Variants in CPB1 observed in about 807,000 individuals in gnomAD.
The protein encoded by CPB1 is carboxypeptidase B1.
CPB1 carries 53 observed loss-of-function variants against 51.4 expected under a neutral mutation model. The observed-to-expected ratio is 1.03, with a 90% CI of 0.83 to 1.30. CPB1 has a LOEUF of 1.30. CPB1 is among the 50% of genes most tolerant of loss of function. The pLI is 0.00. For synonymous variants in CPB1, 189 were observed against 186.9 expected, an observed-to-expected ratio of 1.01 and a Z score of -0.09; for missense variants, 494 against 516.2, an observed-to-expected ratio of 0.96 and a Z score of 0.42.
At chr3:148,857,586 A>T in intron 10 of CPB1, 45 bp downstream of exon 10, 1 of 1,454,176 alleles carries the variant, frequency 6.9e-7, no homozygotes, top group African/African-American at 1.4e-5. Flanking sequence ...TGTGCCTAAA[A>T]AGCCAACGAA....
At chr3:148,852,981 T>A (rs1713474749) in intron 9 of CPB1, among the ~76,000 whole-genome samples, 1 of 152,196 alleles carries the variant, frequency 6.6e-6, no homozygotes, top group Non-Finnish European at 1.5e-5. Flanking sequence ...TTATAGACCG[T>A]AAGGGCTTCT....
At chr3:148,834,476 A>G (rs1712833364) in intron 2 of CPB1, 22 bp from the exon 3 acceptor site, 4 of 1,609,152 alleles carry the variant, frequency 2.5e-6, no homozygotes, top group African/African-American at 2.7e-5. Context: ...TAGGTATCCA[A>G]TATATCTTGT....
chr3:148,845,550 C>A lies in CPB1; in HGVS notation c.905C>A (p.Thr302Lys). ...NKLSSIKAYL[T>K]IHSYSQMMIY... ...CTCTCTTCCATCAAGGCATATCTGA[C>A]AATCCACTCGTACTCCCAAATGATG... Residue 302 changes from threonine to lysine, a missense_variant, in exon 9 of 11, where the codon ACA (threonine) becomes AAA (lysine). Transcript: ENST00000282957. 1 of 1,613,928 alleles carries A rather than the reference C, an allele frequency of 6.2e-7. No homozygotes were observed. Among genetic ancestry groups the A allele is most frequent in the South Asian group, 1.1e-5 (1 of 91,082 alleles).
intron 3 of CPB1, among the ~76,000 whole-genome samples, chr3:148,835,476 G>A (rs1283078913): frequency 1.3e-5 from 2 of 152,292 alleles, no homozygotes; most frequent in Admixed American, 6.5e-5. Flanking sequence ...GCTGAGAACT[G>A]AAAGATGAGT....
chr3:148,847,863 T>C (rs917283451), intron 9 of CPB1, among the ~76,000 whole-genome samples: 7 of 152,148 alleles, frequency 4.6e-5, no homozygotes, highest in Non-Finnish European at 1.0e-4. Context: ...AATGCAAAAA[T>C]TTAATTTGAT....
At position 148,845,513 on chromosome 3, in the gene CPB1, A is replaced by T; in HGVS notation, c.868A>T (p.Ile290Phe). The change falls in exon 9 of 11, where the codon ATC becomes TTC. Residue 290 changes from isoleucine to phenylalanine, a missense_variant. Physicochemically the swap from Ile to Phe is conservative, Grantham distance 21. Coordinates refer to ENST00000282957, the MANE Select transcript of CPB1 (RefSeq NM_001871.3). ...GGAGACCAAGGCCCTGGCTGATTTC[A>T]TCCGCAACAAACTCTCTTCCATCAA... ...EKETKALADF[I>F]RNKLSSIKAY... is the part of the protein sequence containing the mutation. The T allele has an allele frequency of 3.7e-6, 6 of 1,613,978 alleles. No homozygotes were observed. Among genetic ancestry groups the T allele is most frequent in the Non-Finnish European group, 5.1e-6 (6 of 1,179,878 alleles).
intron 9 of CPB1, 110 bp from the exon 10 acceptor site, chr3:148,857,347 G>C (rs1046125075): frequency 9.2e-6 from 7 of 764,584 alleles, no homozygotes; most frequent in Non-Finnish European, 1.5e-5. Flanking sequence ...CATATAATAC[G>C]ATCCAAATTG....
At chr3:148,858,566 C>G (rs1713656890) in intron 10 of CPB1, among the ~76,000 whole-genome samples, 1 of 151,442 alleles carries the variant, frequency 6.6e-6, no homozygotes, top group Non-Finnish European at 1.5e-5. Flanking sequence ...GAGCAAAACT[C>G]CATCTCAAAA....
In CPB1 at chr3:148,834,519, T is replaced by G. The variant is rs376971111; in HGVS notation, c.169T>G (p.Ser57Ala). ...TCAGATTGACTTCTGGAAGCCAGAT[T>G]CTGTCACACAAATCAAACCTCACAG... is the stretch of plus-strand genomic sequence containing the variant. The part of the protein sequence containing the change: ...TTQIDFWKPD[S>A]VTQIKPHSTV... The change falls in exon 3 of 11, where the codon TCT becomes GCT. Residue 57 changes from serine (S) to alanine (A), a missense_variant. By Grantham distance (99) the Ser-to-Ala change is moderately conservative. Transcript: ENST00000282957. 1 of 1,613,732 alleles carries G rather than the reference T, an allele frequency of 6.2e-7. No individual in the cohort carries two copies.
At chr3:148,844,129 CCTA>C (rs2108016120) in intron 6 of CPB1, among the ~76,000 whole-genome samples, 1 of 152,060 alleles carries the variant, frequency 6.6e-6, no homozygotes, top group East Asian at 1.9e-4. Flanking sequence ...ACACTTATAC[CCTA>C]CTAACTTTGT....
At chr3:148,840,824 G>A in intron 4 of CPB1, 39 bp downstream of exon 4, 1 of 1,613,530 alleles carries the variant, frequency 6.2e-7, no homozygotes, top group Non-Finnish European at 8.5e-7. Context: ...ATTACTTTGG[G>A]AATTGAACCA....
chr3:148,842,041 AT>A, intron 6 of CPB1, 117 bp downstream of exon 6: 1 of 780,200 alleles, frequency 1.3e-6, no homozygotes, highest in South Asian at 2.0e-5. Context: ...CAAGTGCCCA[AT>A]TTTGGAAATT....
At chr3:148,857,651 C>G in intron 10 of CPB1, 110 bp downstream of exon 10, 1 of 541,560 alleles carries the variant, frequency 1.8e-6, no homozygotes, top group Non-Finnish European at 2.9e-6. Flanking sequence ...TTTTGCCTCA[C>G]AGCAAATTTT....
intron 3 of CPB1, among the ~76,000 whole-genome samples, chr3:148,835,687 G>C (rs944325988): frequency 1.3e-5 from 2 of 152,156 alleles, no homozygotes; most frequent in Non-Finnish European, 2.9e-5. Context: ...CAAAGTCTTG[G>C]GCTCCGGTCC....
chr3:148,830,703 C>T (rs1482877445), intron 2 of CPB1, among the ~76,000 whole-genome samples: 1 of 152,040 alleles, frequency 6.6e-6, no homozygotes, highest in Non-Finnish European at 1.5e-5. Context: ...ATGAAAAAAT[C>T]TTTACTTATC....
At chr3:148,832,001 GGTCT>G (rs1341048690) in intron 2 of CPB1, among the ~76,000 whole-genome samples, 2 of 151,898 alleles carry the variant, frequency 1.3e-5, no homozygotes, top group East Asian at 3.9e-4. Flanking sequence ...CAGTATAGTG[GGTCT>G]GTGTCACACA....
rs549475813 is a variant in CPB1, at chr3:148,847,412, C to G, written c.981+1786C>G. ...AAAAAAAAAAGACAAGTAAGTCCTG[C>G]CTTTAGAATATTATGAATAATTTTT... On this transcript the variant is annotated intron_variant, in intron 9 of 10. Coordinates refer to ENST00000282957, the MANE Select transcript of CPB1 (RefSeq NM_001871.3). Among the ~76,000 whole-genome samples the G allele has an allele frequency of 4.1e-5, 6 of 145,810 alleles. No individual in the cohort carries two copies. In the East Asian group the frequency reaches 6.0e-4, roughly 15 times the overall value.
intron 2 of CPB1, among the ~76,000 whole-genome samples, chr3:148,832,112 G>A (rs1040768276): frequency 9.2e-5 from 14 of 152,110 alleles, no homozygotes; most frequent in African/African-American, 3.4e-4. Flanking sequence ...GGTTAGTTCT[G>A]TAAGTTTCTG....
At chr3:148,844,801 A>T in intron 8 of CPB1, 34 bp downstream of exon 8, 1 of 1,567,758 alleles carries the variant, frequency 6.4e-7, no homozygotes, top group East Asian at 2.2e-5. Flanking sequence ...GCATGTATCC[A>T]TTGAAAAACA....
Sources: allele counts gnomAD v4.1 joint callset (sites outside exome capture counted in the v4.1 genomes callset), GRCh38; gene constraint gnomAD v4.1.1; transcripts MANE v1.5; gene names NCBI Gene and HGNC (gene_info 2026-07-23, HGNC 2026-07-21).